PLXNC1: variants seen among roughly 807,000 people sequenced by gnomAD.
PLXNC1 encodes plexin-C1.
A neutral mutation model predicts 178.2 loss-of-function variants in PLXNC1; 75 were observed. The ratio of observed to expected loss-of-function variants is 0.42; its 90% CI spans 0.35 to 0.51. PLXNC1 has a LOEUF of 0.51. Among genes scored for constraint, PLXNC1 ranks in the 20% least tolerant of loss-of-function variants. The pLI is 0.02. For missense variants in PLXNC1, 1,503 were observed against 1,984.4 expected (o/e 0.76, Z 4.61); for synonymous variants, 790 against 779.9 (o/e 1.01, Z -0.22).
chr12:94,190,259 T>A (rs899010498), intron 4 of PLXNC1, among the ~76,000 whole-genome samples: 1 of 152,206 alleles, frequency 6.6e-6, no homozygotes, highest in Non-Finnish European at 1.5e-5. Flanking sequence ...TTGTTTGTTT[T>A]GAGACAGGGT....
At chr12:94,238,830 A>G (rs1485340954) in intron 10 of PLXNC1, among the ~76,000 whole-genome samples, 1 of 152,188 alleles carries the variant, frequency 6.6e-6, no homozygotes, top group Non-Finnish European at 1.5e-5. Context: ...CTTGATGAGA[A>G]AAGCTGCTCA....
At chr12:94,187,123 C>T (rs1365950985) in intron 4 of PLXNC1, among the ~76,000 whole-genome samples, 1 of 151,558 alleles carries the variant, frequency 6.6e-6, no homozygotes, top group African/African-American at 2.4e-5. Context: ...TACTGGGGCT[C>T]TTGCTGGAGA....
intron 7 of PLXNC1, among the ~76,000 whole-genome samples, chr12:94,225,832 G>A (rs1051727908): frequency 1.2e-4 from 19 of 152,188 alleles, no homozygotes; most frequent in Admixed American, 9.2e-4. Flanking sequence ...CCGGATCCAC[G>A]CAAAAGCCAG....
At chr12:94,162,073 T>C (rs573269539) in intron 1 of PLXNC1, among the ~76,000 whole-genome samples, 12 of 152,332 alleles carry the variant, frequency 7.9e-5, no homozygotes, top group Admixed American at 2.0e-4. Context: ...TGGAGTCTAC[T>C]GGGAGACAGT....
chr12:94,219,893 C>T, intron 5 of PLXNC1, 123 bp from the exon 6 acceptor site: 1 of 639,686 alleles, frequency 1.6e-6, no homozygotes, highest in South Asian at 3.1e-5. Flanking sequence ...CTATTCTTTA[C>T]ATCAGCTCTT....
intron 21 of PLXNC1, among the ~76,000 whole-genome samples, chr12:94,275,986 C>A (rs1965929622): frequency 6.6e-6 from 1 of 152,042 alleles, no homozygotes; most frequent in South Asian, 2.1e-4. Flanking sequence ...TGTAAAATGC[C>A]ATTTTACCTC....
intron 28 of PLXNC1, 62 bp from the exon 29 acceptor site, chr12:94,303,694 T>A: frequency 7.4e-6 from 1 of 135,736 alleles, no homozygotes; most frequent in Non-Finnish European, 1.5e-5. Context: ...TTCCTCCATC[T>A]TTTTTTTTTT....
intron 10 of PLXNC1, 105 bp from the exon 11 acceptor site, chr12:94,240,380 C>T: frequency 1.2e-6 from 1 of 854,498 alleles, no homozygotes; most frequent in Non-Finnish European, 1.9e-6. Context: ...TCTGCTCCTT[C>T]ATGAAGTGTT....
chr12:94,152,178 G>T (rs1021513323), intron 1 of PLXNC1, among the ~76,000 whole-genome samples: 5 of 152,112 alleles, frequency 3.3e-5, no homozygotes, highest in African/African-American at 1.2e-4. Context: ...GTGGGAGCTT[G>T]GAGCTTTGCA....
At chr12:94,157,906 G>A (rs549983427) in intron 1 of PLXNC1, among the ~76,000 whole-genome samples, 3 of 152,346 alleles carry the variant, frequency 2.0e-5, no homozygotes, top group African/African-American at 7.2e-5. Context: ...TATGGACACC[G>A]AAATGTGAAT....
chr12:94,286,616 C>CAAAAAA (rs61238982), intron 23 of PLXNC1, among the ~76,000 whole-genome samples: 5 of 101,376 alleles, frequency 4.9e-5, no homozygotes, highest in African/African-American at 1.2e-4. Context: ...TGCTTAAAAG[C>CAAAAAA]AAAAAAAAAA....
At chr12:94,197,064 GC>G (rs1212508391) in intron 4 of PLXNC1, among the ~76,000 whole-genome samples, 4 of 152,212 alleles carry the variant, frequency 2.6e-5, no homozygotes, top group Non-Finnish European at 4.4e-5. Flanking sequence ...TTTGGAAGCA[GC>G]CAGCATTCCT....
In PLXNC1 at chr12:94,297,485, T is replaced by G. The variant is rs112995821; in HGVS notation, c.4074+62T>G. 8.5e-5 allele frequency: 94 copies of G among 1,111,180 alleles called. No individual in the cohort carries two copies. In the African/African-American group the frequency reaches 1.2e-3, roughly 14 times the overall value. The allele number at this position is 1,111,180 out of a possible 1,614,324, so 68.8% of individuals were successfully genotyped here. On this transcript the variant is annotated intron_variant, in intron 26 of 30. Coordinates refer to ENST00000258526, the MANE Select transcript of PLXNC1 (RefSeq NM_005761.3). Reference sequence around the variant, plus strand: ...TAGGGGGTGTATGATATGTTTGACTTAATTTCCACTGAAGTGTGAAAATGT... The same window carrying G: ...TAGGGGGTGTATGATATGTTTGACTGAATTTCCACTGAAGTGTGAAAATGT...
intron 3 of PLXNC1, among the ~76,000 whole-genome samples, chr12:94,181,904 G>A (rs1248529452): frequency 1.3e-5 from 2 of 152,080 alleles, no homozygotes; most frequent in Non-Finnish European, 2.9e-5. Flanking sequence ...GGCACTGAAC[G>A]GTTAGATGCA....
chr12:94,181,710 CG>C (rs1962313485), intron 3 of PLXNC1, 130 bp downstream of exon 3: 1 of 714,062 alleles, frequency 1.4e-6, no homozygotes, highest in African/African-American at 1.8e-5. Flanking sequence ...TGAGGAGACC[CG>C]CAGTGGTTCA....
chr12:94,171,316 CGTT>C (rs1183790953), intron 2 of PLXNC1, among the ~76,000 whole-genome samples: 3 of 152,156 alleles, frequency 2.0e-5, no homozygotes, highest in Non-Finnish European at 4.4e-5. Context: ...TGTGTGGCCT[CGTT>C]GTTTTTTTCA....
rs147417646 is a variant in PLXNC1, at chr12:94,256,940, G to A, written c.3087+1644G>A. Among the ~76,000 whole-genome samples, 6 of 151,326 alleles carry A rather than the reference G, an allele frequency of 4.0e-5. 1 individual carries two copies. The highest frequency in any genetic ancestry group is 1.5e-4 in the African/African-American group (6 of 41,278). ...AGGAGGCAAACTGATTTAACTCAGT[G>A]TTGTGTATAATCTTGAAAAACAACT... On this transcript the variant is annotated intron_variant, in intron 17 of 30. Transcript: ENST00000258526.
At chr12:94,154,378 TA>T (rs1434388067) in intron 1 of PLXNC1, among the ~76,000 whole-genome samples, 1 of 152,206 alleles carries the variant, frequency 6.6e-6, no homozygotes, top group Non-Finnish European at 1.5e-5. Context: ...TTACTATTAA[TA>T]ATCATGATGG....
intron 5 of PLXNC1, among the ~76,000 whole-genome samples, chr12:94,210,781 C>T (rs1208805939): frequency 6.6e-6 from 1 of 152,128 alleles, no homozygotes. Context: ...ATAATAATAA[C>T]TTTCATACAA....
Sources: allele counts gnomAD v4.1 joint callset (sites outside exome capture counted in the v4.1 genomes callset), GRCh38; gene constraint gnomAD v4.1.1; transcripts MANE v1.5; gene names NCBI Gene and HGNC (gene_info 2026-07-23, HGNC 2026-07-21).